Variants in ENO4 observed in about 807,000 individuals in gnomAD.
ENO4 encodes 2-phospho-D-glycerate hydro-lyase.
A neutral mutation model predicts 63.2 loss-of-function variants in ENO4; 53 were observed. The ratio of observed to expected loss-of-function variants is 0.84; its 90% confidence interval spans 0.67 to 1.05. ENO4 has a LOEUF of 1.05. Among genes scored for constraint, ENO4 ranks in the 50% least tolerant of loss-of-function variants. The probability of loss-of-function intolerance (pLI) is 0.00; values close to 1 mark genes in which losing one functional copy is unlikely to be tolerated. For missense variants in ENO4, 719 were observed against 772.0 expected, an observed-to-expected ratio of 0.93 and a Z score of 0.81; for synonymous variants, 266 against 283.8, an observed-to-expected ratio of 0.94 and a Z score of 0.63.
At chr10:116,872,356 C>T (rs377504850) in intron 9 of ENO4, among the ~76,000 whole-genome samples, 8 of 152,254 alleles carry the variant, frequency 5.3e-5, no homozygotes, top group East Asian at 1.9e-4. Flanking sequence ...CCACCCAATT[C>T]GCATCTTGAA....
At position 116,859,137 on chromosome 10, in the gene ENO4, A is replaced by G; in HGVS notation, c.633A>G (p.Pro211=). 1 of 1,517,214 alleles carries G rather than the reference A, an allele frequency of 6.6e-7. No homozygotes were observed. The highest frequency in any genetic ancestry group is 1.4e-5 in the African/African-American group (1 of 72,482). The allele number at this position is 1,517,214 out of a possible 1,614,324, so 94.0% of individuals were successfully genotyped here. The change falls in exon 4 of 14, where the codon CCA becomes CCG. Residue 211 remains proline, a splice_region_variant and synonymous_variant. Transcript: ENST00000341276. ...PPPTKKKGQK[P]GRKDTITEKP... Reference sequence around the variant, plus strand: ...CTACCAAAAAAAAGGGGCAAAAGCCAGGTTGGTTGGTGACTTATCTTGCAG... The same window carrying G: ...CTACCAAAAAAAAGGGGCAAAAGCCGGGTTGGTTGGTGACTTATCTTGCAG...
At chr10:116,877,625 C>T (rs974979967) in intron 11 of ENO4, among the ~76,000 whole-genome samples, 2 of 151,980 alleles carry the variant, frequency 1.3e-5, no homozygotes, top group Admixed American at 1.3e-4. Context: ...ATCAGGGAAG[C>T]CTCGGGAGGC....
chr10:116,893,626 T>C (rs892700689), intron 10 of ENO4, among the ~76,000 whole-genome samples: 3 of 46,022 alleles, frequency 6.5e-5, no homozygotes, highest in African/African-American at 1.6e-4. Context: ...GCGGAGGTTA[T>C]GAGGAAATGG....
chr10:116,879,506 TA>T, intron 12 of ENO4, 148 bp downstream of exon 12: 1 of 657,768 alleles, frequency 1.5e-6, no homozygotes, highest in Non-Finnish European at 2.5e-6. Flanking sequence ...TGCAAAGAGC[TA>T]ATCTTTGAAC....
intron 3 of ENO4, among the ~76,000 whole-genome samples, chr10:116,858,573 T>C (rs1405771346): frequency 6.6e-6 from 1 of 152,148 alleles, no homozygotes; most frequent in Admixed American, 6.5e-5. Context: ...TAACCCTAAG[T>C]GTCAAGAAAA....
intron 1 of ENO4, among the ~76,000 whole-genome samples, chr10:116,850,891 C>T (rs189142469): frequency 3.3e-5 from 5 of 152,308 alleles, no homozygotes. Flanking sequence ...AATCAAACCA[C>T]ATTTGTGTCC....
intron 9 of ENO4, among the ~76,000 whole-genome samples, chr10:116,873,071 T>C (rs1209750984): frequency 4.6e-5 from 7 of 152,252 alleles, no homozygotes; most frequent in African/African-American, 1.7e-4. Context: ...TTATTGCTTA[T>C]ATTCAGTAAA....
downstream of ENO4, chr10:116,886,251 A>G: frequency 6.6e-7 from 1 of 1,507,672 alleles, no homozygotes; most frequent in East Asian, 2.5e-5. Flanking sequence ...CAGTGACCAG[A>G]GCAGAATGTC....
downstream of ENO4, chr10:116,886,467 T>A: frequency 6.2e-7 from 1 of 1,614,046 alleles, no homozygotes; most frequent in South Asian, 1.1e-5. Flanking sequence ...GGTCTTTGGT[T>A]TGGGGTTCAT....
intron 10 of ENO4, among the ~76,000 whole-genome samples, chr10:116,898,436 T>G (rs1564864497): frequency 6.6e-6 from 1 of 152,148 alleles, no homozygotes; most frequent in Non-Finnish European, 1.5e-5. Context: ...TTATCAGATT[T>G]AATCTTAATC....
chr10:116,884,580 T>G (rs1847110007), downstream of ENO4: 2 of 241,768 alleles, frequency 8.3e-6, no homozygotes, highest in South Asian at 4.8e-5. Context: ...TGTACATATT[T>G]TTATATTCCT....
chr10:116,897,968 C>T (rs576109716), intron 10 of ENO4, among the ~76,000 whole-genome samples: 1 of 152,208 alleles, frequency 6.6e-6, no homozygotes, highest in Non-Finnish European at 1.5e-5. Flanking sequence ...TGACCCTGGG[C>T]AACACTTAAT....
At position 116,874,221 on chromosome 10, in the gene ENO4, TA is replaced by T; in HGVS notation, c.1341+21del. ...AAGGAGGTAAGCACCCCACCTTCCA[TA>T]TTTTATAACATATTTTATATGCCAT... On this transcript the variant is annotated intron_variant, in intron 10 of 13. Transcript: ENST00000341276. 1 of 1,515,042 alleles carries T rather than the reference TA, an allele frequency of 6.6e-7. No individual in the cohort carries two copies. Among genetic ancestry groups the T allele is most frequent in the Non-Finnish European group, 8.9e-7 (1 of 1,121,356 alleles). The allele number at this position is 1,515,042 out of a possible 1,614,324, so 93.8% of individuals were successfully genotyped here. A position where few individuals can be genotyped will look rare whatever the true frequency, so the allele number is the denominator to read the frequency against.
intron 7 of ENO4, among the ~76,000 whole-genome samples, chr10:116,865,921 C>T (rs2133262553): frequency 6.6e-6 from 1 of 152,228 alleles, no homozygotes; most frequent in Non-Finnish European, 1.5e-5. Flanking sequence ...TACTACGTAC[C>T]ATCCTGAGTG....
chr10:116,888,684 G>A (rs1847239406), intron 10 of ENO4, among the ~76,000 whole-genome samples: 1 of 152,220 alleles, frequency 6.6e-6, no homozygotes, highest in Non-Finnish European at 1.5e-5. Context: ...GGGAGCTGGA[G>A]AAACTGTGGG....
At chr10:116,862,749 T>G in intron 6 of ENO4, 50 bp from the exon 7 acceptor site, 1 of 1,431,802 alleles carries the variant, frequency 7.0e-7, no homozygotes, top group Non-Finnish European at 9.6e-7. Context: ...TTTTTATACT[T>G]AAATTTTCTA....
intron 7 of ENO4, 93 bp downstream of exon 7, chr10:116,862,945 G>A: frequency 1.1e-6 from 1 of 886,774 alleles, no homozygotes; most frequent in Non-Finnish European, 1.8e-6. Flanking sequence ...ATCAATTGTG[G>A]TTGATATGGA....
chr10:116,907,833 C>T (rs1848033609), intron 10 of ENO4: 1 of 508,934 alleles, frequency 2.0e-6, no homozygotes, highest in Non-Finnish European at 3.9e-6. Context: ...TTTTGTCCAC[C>T]AAGGCTAATA....
chr10:116,888,304 G>A (rs972793792), intron 10 of ENO4, among the ~76,000 whole-genome samples: 1 of 152,050 alleles, frequency 6.6e-6, no homozygotes, highest in African/African-American at 2.4e-5. Flanking sequence ...AGTGGTACCT[G>A]TTTTGACTCT....
Sources: gnomAD v4.1 joint callset for allele counts (sites outside exome capture counted in the v4.1 genomes callset) on GRCh38, gnomAD v4.1.1 for gene constraint, MANE v1.5 for transcripts, NCBI Gene and HGNC (gene_info 2026-07-23, HGNC 2026-07-21) for gene names.